Variants in NEU1 observed in about 807,000 individuals in gnomAD.
The protein encoded by NEU1 is sialidase-1.
Under a neutral mutation model 38.3 loss-of-function variants are expected in NEU1, and 32 were observed. The ratio of observed to expected loss-of-function variants is 0.84; its 90% CI spans 0.63 to 1.12. The LOEUF is 1.12. NEU1 is among the 50% of genes most tolerant of loss of function. The pLI is 0.00. For missense variants in NEU1, 431 were observed against 549.2 expected, an observed-to-expected ratio of 0.78 and a Z score of 2.15; for synonymous variants, 192 against 225.2, an observed-to-expected ratio of 0.85 and a Z score of 1.32.
intron 2 of NEU1, 40 bp downstream of exon 2, chr6:31,861,959 C>A: frequency 6.2e-7 from 1 of 1,610,070 alleles, no homozygotes; most frequent in East Asian, 2.2e-5. Context: ...GCCCACCCAT[C>A]CAACCTAGCA....
At chr6:31,861,483 A>G in intron 2 of NEU1, 33 bp from the exon 3 acceptor site, 1 of 1,612,328 alleles carries the variant, frequency 6.2e-7, no homozygotes, top group Non-Finnish European at 8.5e-7. Flanking sequence ...ACCCAGAGTG[A>G]GCACTCTGCA....
Position 31,859,539 on chromosome 6 carries a change from C to T in NEU1, c.*180G>A, listed in dbSNP as rs968121109. On this transcript the variant is annotated 3_prime_UTR_variant, in exon 6 of 6. Transcript: ENST00000375631. The stretch of plus-strand genomic sequence containing the variant: ...GGCAGGACTTTTTTGTGGGAGAGGA[C>T]GCCTAGCTTTCAGTCCTAAAGGAAG... The T allele has an allele frequency of 2.4e-5, 17 of 701,510 alleles. No homozygotes were observed. Among genetic ancestry groups the T allele is most frequent in the African/African-American group, 3.5e-5 (2 of 56,918 alleles). The allele number at this position is 701,510 out of a possible 1,614,324, so 43.5% of individuals were successfully genotyped here.
At position 31,859,666 on chromosome 6, in the gene NEU1, G is replaced by A; in HGVS notation, c.*53C>T. On this transcript the variant is annotated 3_prime_UTR_variant, in exon 6 of 6. Transcript: ENST00000375631. ...TCCAGCAGACCCTCTACAGACCCGT[G>A]TTCCTGAAGGCAGAGTCCTGAAGGC... 1 of 1,566,916 alleles carries A rather than the reference G, an allele frequency of 6.4e-7. No individual in the cohort carries two copies. Among genetic ancestry groups the A allele is most frequent in the Non-Finnish European group, 8.8e-7 (1 of 1,141,872 alleles).
intron 2 of NEU1, 34 bp from the exon 3 acceptor site, chr6:31,861,484 G>A (rs1206135017): frequency 1.2e-6 from 2 of 1,612,266 alleles, no homozygotes; most frequent in Non-Finnish European, 8.5e-7. Flanking sequence ...CCCAGAGTGA[G>A]CACTCTGCAG....
chr6:31,861,178 GGACAGAGACCT>G lies in NEU1; in HGVS notation c.614_615+9del. 6.2e-7 allele frequency: 1 copy of G among 1,611,202 alleles called. No individual in the cohort carries two copies. Among genetic ancestry groups the G allele is most frequent in the Non-Finnish European group, 8.5e-7 (1 of 1,179,982 alleles). On this transcript the variant is annotated splice_donor_variant and splice_donor_5th_base_variant and coding_sequence_variant and intron_variant, in exon 3 of 6. Coordinates refer to ENST00000375631, the MANE Select transcript of NEU1 (RefSeq NM_000434.4). LOFTEE classifies it high-confidence loss of function. ...GGCAGCCCCCTCCACCTATCTCCTA[GGACAGAGACCT>G]GAATACCAGAGCCCGGTCCAGGGGC...
In NEU1 at chr6:31,857,882, T is replaced by G. The variant is rs888154059; in HGVS notation, c.*1837A>C. ...ATAAAACAGCGTGGATTTTTTTTTT[T>G]TCAGACGGAGTCTCACTCTGTTGCC... On this transcript the variant is annotated 3_prime_UTR_variant, in exon 6 of 6. Transcript: ENST00000375631. 5 of 152,290 alleles carry G rather than the reference T, an allele frequency of 3.3e-5. No homozygotes were observed. Among genetic ancestry groups the G allele is most frequent in the African/African-American group, 9.7e-5 (4 of 41,426 alleles). The allele number at this position is 152,290 out of a possible 1,614,324, so 9.4% of individuals were successfully genotyped here.
rs958506385 is a variant in NEU1, at chr6:31,861,644, G to C, written c.353-194C>G. ...CCATTGCATTTATCACCTTGCAACAGACAAAAAAGTTTACTTGTTTATTAT... is the reference window on the plus strand; with the variant it reads ...CCATTGCATTTATCACCTTGCAACACACAAAAAAGTTTACTTGTTTATTAT... On this transcript the variant is annotated intron_variant, in intron 2 of 5. Coordinates refer to ENST00000375631, the MANE Select transcript of NEU1 (RefSeq NM_000434.4). The C allele has an allele frequency of 1.0e-5, 7 of 680,450 alleles. No homozygotes were observed. In the African/African-American group the frequency reaches 1.3e-4, roughly 12 times the overall value. The allele number at this position is 680,450 out of a possible 1,614,324, so 42.2% of individuals were successfully genotyped here.
intron 3 of NEU1, 155 bp downstream of exon 3, chr6:31,861,033 G>T: frequency 1.0e-6 from 1 of 1,000,076 alleles, no homozygotes; most frequent in Non-Finnish European, 1.5e-6. Context: ...TCCTGATAAT[G>T]TGTTCCTACC....
intron 3 of NEU1, 51 bp downstream of exon 3, chr6:31,861,137 C>T: frequency 1.2e-6 from 2 of 1,610,494 alleles, no homozygotes; most frequent in Non-Finnish European, 1.7e-6. Context: ...GGGGGTATCC[C>T]TCAGACTCTC....
At chr6:31,861,889 G>A (rs1581822854) in intron 2 of NEU1, 110 bp downstream of exon 2, 3 of 1,229,938 alleles carry the variant, frequency 2.4e-6, no homozygotes. Context: ...ACCCCTCAGG[G>A]ACTCAGGCAA....
intron 2 of NEU1, 115 bp from the exon 3 acceptor site, chr6:31,861,565 G>A: frequency 7.5e-7 from 1 of 1,331,034 alleles, no homozygotes. Flanking sequence ...GATGGTCCCA[G>A]GGTGCAATCC....
chr6:31,860,016 G>A lies in NEU1; in HGVS notation c.1021+26C>T. The A allele has an allele frequency of 6.2e-7, 1 of 1,612,826 alleles. No homozygotes were observed. The highest frequency in any genetic ancestry group is 8.5e-7 in the Non-Finnish European group (1 of 1,179,858). Reference sequence around the variant, plus strand: ...CTTGTCTAGACACAGGGCTCTCCCTGCTGACCCCACCCATGAGGCACTCAC... The same window carrying A: ...CTTGTCTAGACACAGGGCTCTCCCTACTGACCCCACCCATGAGGCACTCAC... On this transcript the variant is annotated intron_variant, in intron 5 of 5. Transcript: ENST00000375631. The surrounding 1 kb of genome is among the most constrained non-coding windows in gnomAD (Gnocchi z 4.8).
Position 31,862,284 on chromosome 6 carries a change from G to T in NEU1, c.160-93C>A. On this transcript the variant is annotated intron_variant, in intron 1 of 5. Transcript: ENST00000375631. This position sits in a 1 kb window ranked among gnomAD's most constrained non-coding sequence, Gnocchi z 6.3. ...GATGGGAGAGGGAGGATCTAATGGG[G>T]ATCCCGAGTAGGGGATGGGGTCCCA... 7.4e-7 allele frequency: 1 copy of T among 1,359,922 alleles called. No individual in the cohort carries two copies. The highest frequency in any genetic ancestry group is 1.0e-6 in the Non-Finnish European group (1 of 966,686). 84.2% of individuals were successfully genotyped at this position (1,359,922 alleles called of 1,614,324 possible). A position where few individuals can be genotyped will look rare whatever the true frequency, so the allele number is the denominator to read the frequency against.
At position 31,860,272 on chromosome 6, in the gene NEU1, G is replaced by A. The variant is rs941479935; in HGVS notation, c.799-8C>T. The A allele has an allele frequency of 6.8e-6, 11 of 1,613,076 alleles. No individual in the cohort carries two copies. The highest frequency in any genetic ancestry group is 7.6e-6 in the Non-Finnish European group (9 of 1,179,778). On this transcript the variant is annotated splice_region_variant and splice_polypyrimidine_tract_variant and intron_variant, in intron 4 of 5. Coordinates refer to ENST00000375631, the MANE Select transcript of NEU1 (RefSeq NM_000434.4). The surrounding 1 kb of genome is among the most constrained non-coding windows in gnomAD (Gnocchi z 4.8). ...ATCTGGGAGCTCATAGGGCTGAGGG[G>A]AGAGGACAGGACCTCAGGGAGGGAA...
rs1330463102 is a variant in NEU1 at position 31,859,023 on chromosome 6, A to T, written c.*696T>A. ...GGTGACAGAGCGAGCCCTGTCTCAA[A>T]AAAAGCAACAACAAAAAAAGAGGGC... is the stretch of plus-strand genomic sequence containing the variant. On this transcript the variant is annotated 3_prime_UTR_variant, in exon 6 of 6. Transcript: ENST00000375631. 8 of 157,250 alleles carry T rather than the reference A, an allele frequency of 5.1e-5. No homozygotes were observed. Among genetic ancestry groups the T allele is most frequent in the African/African-American group, 1.9e-4 (8 of 41,454 alleles). The allele number at this position is 157,250 out of a possible 1,614,324, so 9.7% of individuals were successfully genotyped here.
In NEU1 at chr6:31,860,825, G is replaced by A. The variant is rs1314895544; in HGVS notation, c.616-204C>T. 3.0e-6 allele frequency: 2 copies of A among 662,102 alleles called. No individual in the cohort carries two copies. Among genetic ancestry groups the A allele is most frequent in the Non-Finnish European group, 5.3e-6 (2 of 380,238 alleles). 41.0% of individuals were successfully genotyped at this position (662,102 alleles called of 1,614,324 possible). A position where few individuals can be genotyped will look rare whatever the true frequency, so the allele number is the denominator to read the frequency against. On this transcript the variant is annotated intron_variant, in intron 3 of 5. Transcript: ENST00000375631. The surrounding 1 kb of genome is among the most constrained non-coding windows in gnomAD (Gnocchi z 4.8). ...TCCCAGGGTGTACAGCTGGACATGT[G>A]CACCAGGGGCCCAGCCACAGGGTGC...
chr6:31,862,789 C>T lies in NEU1; in HGVS notation c.-13G>A, dbSNP rs886061291. The T allele has an allele frequency of 1.9e-6, 3 of 1,612,578 alleles. No individual in the cohort carries two copies. The highest frequency in any genetic ancestry group is 2.5e-6 in the Non-Finnish European group (3 of 1,179,870). ...GCTCCCCAGTCATCTCTCCCCGCAG[C>T]TGCCGCGACCCTGGCAGCTAGACTC... On this transcript the variant is annotated 5_prime_UTR_variant, in exon 1 of 6. Transcript: ENST00000375631. The surrounding 1 kb of genome is among the most constrained non-coding windows in gnomAD (Gnocchi z 6.3).
At position 31,859,403 on chromosome 6, in the gene NEU1, T is replaced by C; in HGVS notation, c.*316A>G. On this transcript the variant is annotated 3_prime_UTR_variant, in exon 6 of 6. Coordinates refer to ENST00000375631, the MANE Select transcript of NEU1 (RefSeq NM_000434.4). ...GTTCCCTGAGTTCACATTGATTCAA[T>C]TCTACAGCTCACTAGACCTGCCCAA... 4.0e-6 allele frequency: 2 copies of C among 505,466 alleles called. No individual in the cohort carries two copies. Among genetic ancestry groups the C allele is most frequent in the Non-Finnish European group, 7.2e-6 (2 of 276,876 alleles). The allele number at this position is 505,466 out of a possible 1,614,324, so 31.3% of individuals were successfully genotyped here.
Position 31,862,785 on chromosome 6 carries a change from G to C in NEU1, c.-9C>G. ...GGTCGCTCCCCAGTCATCTCTCCCCGCAGCTGCCGCGACCCTGGCAGCTAG... is the reference window on the plus strand; with the variant it reads ...GGTCGCTCCCCAGTCATCTCTCCCCCCAGCTGCCGCGACCCTGGCAGCTAG... On this transcript the variant is annotated 5_prime_UTR_variant, in exon 1 of 6. Coordinates refer to ENST00000375631, the MANE Select transcript of NEU1 (RefSeq NM_000434.4). The surrounding 1 kb of genome is among the most constrained non-coding windows in gnomAD (Gnocchi z 6.3). 6.2e-7 allele frequency: 1 copy of C among 1,612,440 alleles called. No homozygotes were observed. The highest frequency in any genetic ancestry group is 8.5e-7 in the Non-Finnish European group (1 of 1,179,832).
Sources: gnomAD v4.1 joint callset for allele counts on GRCh38, gnomAD v4.1.1 for gene constraint, Gnocchi (gnomAD v3.1) non-coding constraint, MANE v1.5 for transcripts, NCBI Gene and HGNC (gene_info 2026-07-23, HGNC 2026-07-21) for gene names.